ADAMTS12: variants seen among roughly 807,000 people sequenced by gnomAD.
ADAMTS12 encodes the protein ADAM metallopeptidase with thrombospondin type 1 motif 12.
A neutral mutation model predicts 167.8 loss-of-function variants in ADAMTS12; 118 were observed. That is an observed-to-expected ratio of 0.70 (90% CI 0.61 to 0.82). The LOEUF is 0.82. ADAMTS12 is among the 40% of genes least tolerant of loss of function. The probability of loss-of-function intolerance (pLI) is 0.00; values close to 1 mark genes in which losing one functional copy is unlikely to be tolerated. For missense variants in ADAMTS12, 1,916 were observed against 1,998.8 expected (o/e 0.96, Z 0.79); for synonymous variants, 704 against 716.9 (o/e 0.98, Z 0.29).
At chr5:33,613,904 T>C (rs1160880351) in intron 16 of ADAMTS12, among the ~76,000 whole-genome samples, 1 of 152,256 alleles carries the variant, frequency 6.6e-6, no homozygotes, top group African/African-American at 2.4e-5. Flanking sequence ...TGAGGAGTTG[T>C]TCCACTTTTG....
intron 16 of ADAMTS12, among the ~76,000 whole-genome samples, chr5:33,600,460 G>T (rs1738133960): frequency 6.6e-6 from 1 of 152,036 alleles, no homozygotes; most frequent in Admixed American, 6.5e-5. Flanking sequence ...AGTTTGTTAT[G>T]GTTAATTAAA....
At chr5:33,603,714 T>C (rs1166725265) in intron 16 of ADAMTS12, 2 of 152,208 alleles carry the variant, frequency 1.3e-5, no homozygotes, top group African/African-American at 4.8e-5. Context: ...GTTTTTCACA[T>C]GGATCTCTGA....
At chr5:33,588,504 T>A (rs989126243) in intron 18 of ADAMTS12, 95 bp downstream of exon 18, 8 of 1,505,344 alleles carry the variant, frequency 5.3e-6, no homozygotes, top group Non-Finnish European at 9.2e-7. Context: ...TTTTGCAATT[T>A]TACCTAGGGT....
At chr5:33,766,435 G>A (rs1177878745) in intron 2 of ADAMTS12, among the ~76,000 whole-genome samples, 4 of 152,140 alleles carry the variant, frequency 2.6e-5, no homozygotes, top group African/African-American at 9.7e-5. Flanking sequence ...TAATGTGGTG[G>A]CCTGGATATT....
At chr5:33,635,727 G>A (rs1370820496) in intron 12 of ADAMTS12, among the ~76,000 whole-genome samples, 2 of 152,170 alleles carry the variant, frequency 1.3e-5, no homozygotes. Context: ...AATCCTTGTT[G>A]ACATGAACGA....
chr5:33,790,990 C>G (rs9292514), intron 2 of ADAMTS12, among the ~76,000 whole-genome samples: 54,831 of 151,592 alleles, frequency 0.36, 10,968 homozygotes, highest in East Asian at 0.58. Flanking sequence ...CATGGTGATT[C>G]CCAGTCCCTC....
intron 16 of ADAMTS12, among the ~76,000 whole-genome samples, chr5:33,606,116 T>G (rs533263432): frequency 6.6e-6 from 1 of 152,260 alleles, no homozygotes; most frequent in East Asian, 1.9e-4. Context: ...CCTGGCTAAT[T>G]TTTGTATTTT....
chr5:33,678,948 A>G (rs770340180), intron 5 of ADAMTS12, among the ~76,000 whole-genome samples: 3 of 152,252 alleles, frequency 2.0e-5, no homozygotes, highest in Admixed American at 1.3e-4. Context: ...TCAGTACCTG[A>G]TAACAGACTT....
chr5:33,576,179 G>C lies in ADAMTS12; in HGVS notation c.3847C>G (p.Pro1283Ala). Residue 1283 changes from proline to alanine, a missense_variant, in exon 19 of 24, where the codon CCA becomes GCA. Pro to Ala is a conservative substitution (Grantham distance 27, BLOSUM62 -1). Coordinates refer to ENST00000504830, the MANE Select transcript of ADAMTS12 (RefSeq NM_030955.4). ...NNMNQTKSSE[P>A]VLTEEDATSL... ...GTTGCATCCTCCTCAGTCAGGACTG[G>C]TTCAGAACTTTTTGTTTGGTTCATG... 1 of 1,614,206 alleles carries C rather than the reference G, an allele frequency of 6.2e-7. No homozygotes were observed. The highest frequency in any genetic ancestry group is 8.5e-7 in the Non-Finnish European group (1 of 1,180,046).
At chr5:33,660,363 C>T (rs34234503) in intron 6 of ADAMTS12, among the ~76,000 whole-genome samples, 27,928 of 152,026 alleles carry the variant, frequency 0.18, 2,804 homozygotes, top group Non-Finnish European at 0.23. Context: ...GTTCAGTTTC[C>T]CTATAATGTA....
chr5:33,844,716 G>A (rs2591735), intron 2 of ADAMTS12, among the ~76,000 whole-genome samples: 3,108 of 152,206 alleles, frequency 0.02, 157 homozygotes, highest in East Asian at 0.2. Flanking sequence ...TGTGAAGCAC[G>A]TGATCTCTGT....
At chr5:33,658,392 G>A in intron 6 of ADAMTS12, 59 bp from the exon 7 acceptor site, 2 of 1,583,500 alleles carry the variant, frequency 1.3e-6, no homozygotes, top group East Asian at 2.3e-5. Flanking sequence ...AAAACCTCCT[G>A]GAAAAAAATC....
intron 2 of ADAMTS12, among the ~76,000 whole-genome samples, chr5:33,843,555 G>A (rs1176325574): frequency 1.3e-5 from 2 of 152,182 alleles, no homozygotes; most frequent in African/African-American, 4.8e-5. Flanking sequence ...AAATACTAAG[G>A]AGAATGAAAG....
At chr5:33,610,053 C>T (rs947230681) in intron 16 of ADAMTS12, among the ~76,000 whole-genome samples, 9 of 152,078 alleles carry the variant, frequency 5.9e-5, no homozygotes, top group African/African-American at 2.2e-4. Flanking sequence ...GTGGCGCATG[C>T]CTGTAATCCC....
At chr5:33,712,870 G>T (rs1245886133) in intron 3 of ADAMTS12, among the ~76,000 whole-genome samples, 6 of 152,028 alleles carry the variant, frequency 3.9e-5, no homozygotes, top group Admixed American at 3.9e-4. Context: ...GGGCTGCAAA[G>T]TTGCCTGTAA....
intron 1 of ADAMTS12, among the ~76,000 whole-genome samples, chr5:33,886,523 T>C (rs1267998742): frequency 1.3e-5 from 2 of 152,142 alleles, no homozygotes; most frequent in Non-Finnish European, 2.9e-5. Context: ...CATTAGTAAA[T>C]AAAGAAAAGC....
At chr5:33,709,869 T>C (rs1743331436) in intron 3 of ADAMTS12, among the ~76,000 whole-genome samples, 1 of 151,390 alleles carries the variant, frequency 6.6e-6, no homozygotes, top group African/African-American at 2.4e-5. Flanking sequence ...AATAATAAAA[T>C]AGAAAAAAAC....
At chr5:33,694,766 G>A (rs1370786939) in intron 3 of ADAMTS12, among the ~76,000 whole-genome samples, 1 of 152,156 alleles carries the variant, frequency 6.6e-6, no homozygotes, top group Non-Finnish European at 1.5e-5. Context: ...GACTTGATAT[G>A]ATAAAAAAGA....
At chr5:33,536,164 T>C (rs1460049314) in intron 22 of ADAMTS12, among the ~76,000 whole-genome samples, 1 of 152,084 alleles carries the variant, frequency 6.6e-6, no homozygotes, top group Non-Finnish European at 1.5e-5. Context: ...TGAGACAAGG[T>C]CTGGCTCTAT....
Sources: allele counts gnomAD v4.1 joint callset (sites outside exome capture counted in the v4.1 genomes callset), GRCh38; gene constraint gnomAD v4.1.1; transcripts MANE v1.5; gene names NCBI Gene and HGNC (gene_info 2026-07-23, HGNC 2026-07-21).